The following FER variants were observed in gnomAD, a reference collection of about 807,000 sequenced individuals.
FER encodes the protein tyrosine-protein kinase Fer.
FER carries 63 observed loss-of-function variants against 111.0 expected under a neutral mutation model. The observed-to-expected ratio is 0.57, with a 90% CI of 0.46 to 0.70. The LOEUF is 0.70. Among genes scored for constraint, FER ranks in the 30% least tolerant of loss-of-function variants. The probability of loss-of-function intolerance (pLI) is 0.00; values close to 1 mark genes in which losing one functional copy is unlikely to be tolerated. For synonymous variants in FER, 327 were observed against 313.9 expected (o/e 1.04, Z -0.44); for missense variants, 914 against 954.0 (o/e 0.96, Z 0.55).
intron 16 of FER, among the ~76,000 whole-genome samples, chr5:109,062,657 G>A: frequency 6.6e-6 from 1 of 152,052 alleles, no homozygotes; most frequent in East Asian, 1.9e-4. Flanking sequence ...ATGAATAGGA[G>A]ACTTAGCACC....
chr5:109,051,369 T>C, intron 16 of FER: 1 of 1,611,604 alleles, frequency 6.2e-7, no homozygotes, highest in Non-Finnish European at 8.5e-7. Context: ...TGGCTCTGCT[T>C]GAAGGTTGCT....
chr5:108,976,041 T>G (rs576038726), intron 13 of FER, among the ~76,000 whole-genome samples: 2 of 152,154 alleles, frequency 1.3e-5, no homozygotes, highest in African/African-American at 2.4e-5. Context: ...GCCACAGATA[T>G]AGATATGGGA....
chr5:108,930,891 C>T (rs72793920), intron 10 of FER, among the ~76,000 whole-genome samples: 5 of 151,736 alleles, frequency 3.3e-5, no homozygotes, highest in South Asian at 2.1e-4. Flanking sequence ...TGAGATCACA[C>T]GCGTGAGCCA....
At chr5:109,148,981 A>G (rs1206633452) in intron 17 of FER, among the ~76,000 whole-genome samples, 2 of 152,180 alleles carry the variant, frequency 1.3e-5, no homozygotes, top group African/African-American at 2.4e-5. Context: ...TGACCAAACT[A>G]CATCTGTCTT....
At chr5:109,060,787 T>TATATATATACAC (rs571418220) in intron 16 of FER, among the ~76,000 whole-genome samples, 70 of 149,802 alleles carry the variant, frequency 4.7e-4, no homozygotes, top group African/African-American at 1.6e-3. Flanking sequence ...TATATATATA[T>TATATATATACAC]ACACACCAAA....
intron 3 of FER, among the ~76,000 whole-genome samples, chr5:108,812,232 A>AT (rs1482782856): frequency 1.3e-5 from 2 of 152,186 alleles, no homozygotes; most frequent in African/African-American, 4.8e-5. Context: ...TAGAAATGTT[A>AT]TATCTTCTTG....
chr5:108,919,583 C>T (rs1242112865), intron 10 of FER, among the ~76,000 whole-genome samples: 1 of 152,092 alleles, frequency 6.6e-6, no homozygotes, highest in African/African-American at 2.4e-5. Context: ...TTACTGTGTG[C>T]TAAACAGTAT....
intron 13 of FER, among the ~76,000 whole-genome samples, chr5:108,960,758 T>C (rs1403801318): frequency 6.6e-6 from 1 of 152,214 alleles, no homozygotes; most frequent in African/African-American, 2.4e-5. Flanking sequence ...CCTCAAACTG[T>C]GCTTATCACC....
At chr5:109,168,418 T>C (rs1756772913) in intron 17 of FER, among the ~76,000 whole-genome samples, 1 of 152,048 alleles carries the variant, frequency 6.6e-6, no homozygotes, top group African/African-American at 2.4e-5. Flanking sequence ...CCCCAATCTC[T>C]GGGGAGTGAA....
chr5:109,033,309 A>T (rs891072036), intron 13 of FER, among the ~76,000 whole-genome samples: 3 of 152,180 alleles, frequency 2.0e-5, no homozygotes, highest in Non-Finnish European at 2.9e-5. Context: ...AGAAATATGT[A>T]GTATAATCAC....
At chr5:109,156,253 T>C (rs1025429638) in intron 17 of FER, among the ~76,000 whole-genome samples, 1 of 151,760 alleles carries the variant, frequency 6.6e-6, no homozygotes, top group African/African-American at 2.4e-5. Context: ...TAGACAGTAG[T>C]TGATAGATTT....
At chr5:109,019,984 T>C (rs969932297) in intron 13 of FER, among the ~76,000 whole-genome samples, 5 of 151,970 alleles carry the variant, frequency 3.3e-5, no homozygotes, top group African/African-American at 1.2e-4. Context: ...TAGAATTTAC[T>C]TCAAGGTAAC....
Position 108,798,115 on chromosome 5 carries a change from CAT to C in FER, c.-59-7_-59-6del. The C allele has an allele frequency of 1.9e-6, 2 of 1,048,712 alleles. No homozygotes were observed. The highest frequency in any genetic ancestry group is 2.7e-6 in the Non-Finnish European group (2 of 728,470). 65.0% of individuals were successfully genotyped at this position (1,048,712 alleles called of 1,614,324 possible). ...TTTAAGAGTTTTTCTCTTTTGTTTA[CAT>C]ACACAGATATGTGCTGATTAGAAGG... is the stretch of plus-strand genomic sequence containing the variant. On this transcript the variant is annotated splice_polypyrimidine_tract_variant and splice_region_variant and intron_variant, in intron 2 of 19. Coordinates refer to ENST00000281092, the MANE Select transcript of FER (RefSeq NM_005246.4).
chr5:109,189,542 ATTTCT>A lies in FER; in HGVS notation c.*1971_*1975del, dbSNP rs894038759. ...ATTAGTACATTCAGACTAAAGGGAA[ATTTCT>A]TTTGATGGCACGTACTATGGTAAAT... On this transcript the variant is annotated 3_prime_UTR_variant, in exon 20 of 20. Coordinates refer to ENST00000281092, the MANE Select transcript of FER (RefSeq NM_005246.4). 1 of 152,226 alleles carries A rather than the reference ATTTCT, an allele frequency of 6.6e-6. No homozygotes were observed. Among genetic ancestry groups the A allele is most frequent in the African/African-American group, 2.4e-5 (1 of 41,456 alleles). The allele number at this position is 152,226 out of a possible 1,614,324, so 9.4% of individuals were successfully genotyped here.
At chr5:108,918,437 A>G (rs1291252721) in intron 10 of FER, among the ~76,000 whole-genome samples, 3 of 152,094 alleles carry the variant, frequency 2.0e-5, no homozygotes, top group East Asian at 1.9e-4. Flanking sequence ...ATTTTATCCA[A>G]TAATATAATC....
intron 13 of FER, among the ~76,000 whole-genome samples, chr5:108,960,888 C>G (rs773302930): frequency 6.6e-6 from 1 of 152,236 alleles, no homozygotes; most frequent in African/African-American, 2.4e-5. Flanking sequence ...ACTGCCCTCC[C>G]TCTAACACTC....
intron 14 of FER, among the ~76,000 whole-genome samples, chr5:109,044,374 G>C (rs1259350465): frequency 6.6e-6 from 1 of 151,838 alleles, no homozygotes; most frequent in Non-Finnish European, 1.5e-5. Context: ...GTAGAGACGG[G>C]GTTTCACTGT....
At chr5:108,794,701 T>G (rs974747003) in intron 2 of FER, among the ~76,000 whole-genome samples, 3 of 152,172 alleles carry the variant, frequency 2.0e-5, no homozygotes, top group Non-Finnish European at 4.4e-5. Flanking sequence ...ACTTCAAATA[T>G]TTCATGCCAC....
chr5:108,755,646 C>T (rs555179715), intron 1 of FER, among the ~76,000 whole-genome samples: 12 of 151,824 alleles, frequency 7.9e-5, no homozygotes, highest in South Asian at 2.1e-4. Flanking sequence ...CCACCACGCC[C>T]GGCTAATTTT....
Sources: allele counts gnomAD v4.1 joint callset (sites outside exome capture counted in the v4.1 genomes callset), GRCh38; gene constraint gnomAD v4.1.1; transcripts MANE v1.5; gene names NCBI Gene and HGNC (gene_info 2026-07-23, HGNC 2026-07-21).